ADCY3: variants seen among roughly 807,000 people sequenced by gnomAD.
ADCY3 encodes the protein adenylate cyclase 3.
Under a neutral mutation model 119.4 loss-of-function variants are expected in ADCY3, and 70 were observed. The ratio of observed to expected loss-of-function variants is 0.59; its 90% CI spans 0.48 to 0.72. The LOEUF (loss-of-function observed/expected upper bound fraction) is 0.72. Ranked by LOEUF, ADCY3 falls within the 30% of genes least tolerant of loss-of-function variation. The pLI is 0.00. For synonymous variants in ADCY3, 672 were observed against 621.4 expected (o/e 1.08, Z -1.21); for missense variants, 1,238 against 1,541.6 (o/e 0.80, Z 3.30).
chr2:24,826,601 T>C (rs6710696), intron 15 of ADCY3: 2,065 of 154,518 alleles, frequency 0.013, 20 homozygotes, highest in Non-Finnish European at 0.019. Context: ...ATACCAGTTA[T>C]GTATCCATTT....
chr2:24,841,026 C>T lies in ADCY3; in HGVS notation c.1196+233G>A, dbSNP rs1670934962. ...GTGGACTAAGGCTGGAAAAGTGTGC[C>T]CCACAGGCTGGGGGAGCCTCGCAGG... is the stretch of plus-strand genomic sequence containing the variant. On this transcript the variant is annotated intron_variant, in intron 6 of 21. Coordinates refer to ENST00000679454, the MANE Select transcript of ADCY3 (RefSeq NM_004036.5). This position sits in a 1 kb window ranked among gnomAD's most constrained non-coding sequence, Gnocchi z 5.8. 6.6e-6 allele frequency among the ~76,000 whole-genome samples: 1 copy of T among 152,210 alleles called. No homozygotes were observed. The highest frequency in any genetic ancestry group is 2.1e-4 in the South Asian group (1 of 4,834).
intron 3 of ADCY3, among the ~76,000 whole-genome samples, chr2:24,843,382 A>G (rs1671274195): frequency 1.3e-5 from 2 of 152,156 alleles, no homozygotes; most frequent in Admixed American, 6.6e-5. Context: ...ACAGGCATGC[A>G]TCACCACACC....
At chr2:24,887,195 G>A (rs1008942156) in intron 2 of ADCY3, among the ~76,000 whole-genome samples, 7 of 152,126 alleles carry the variant, frequency 4.6e-5, no homozygotes, top group Non-Finnish European at 8.8e-5. Flanking sequence ...CGAGCGAAAG[G>A]GGAAGAGCCC....
chr2:24,897,784 G>A (rs1678450464), intron 2 of ADCY3, among the ~76,000 whole-genome samples: 4 of 152,124 alleles, frequency 2.6e-5, no homozygotes, highest in African/African-American at 7.2e-5. Flanking sequence ...CAGGCCCTCC[G>A]TCTATGCTGG....
intron 2 of ADCY3, among the ~76,000 whole-genome samples, chr2:24,879,416 G>A (rs2148863567): frequency 7.3e-6 from 1 of 136,218 alleles, no homozygotes; most frequent in African/African-American, 2.9e-5. Flanking sequence ...TTGCGCCACT[G>A]CACTGCAGCC....
intron 3 of ADCY3, among the ~76,000 whole-genome samples, chr2:24,865,128 G>A (rs1674120746): frequency 6.6e-6 from 1 of 152,124 alleles, no homozygotes; most frequent in Non-Finnish European, 1.5e-5. Context: ...GAAGGTTGTG[G>A]CAATGCAATA....
At chr2:24,824,278 C>G (rs2148388332) in intron 17 of ADCY3, 100 bp downstream of exon 17, 1 of 1,473,454 alleles carries the variant, frequency 6.8e-7, no homozygotes, top group East Asian at 2.3e-5. Flanking sequence ...CCCCAGTCCC[C>G]TGTCCCTGAG....
chr2:24,877,298 C>T (rs2384057), intron 2 of ADCY3, among the ~76,000 whole-genome samples: 4 of 152,096 alleles, frequency 2.6e-5, no homozygotes, highest in Middle Eastern at 3.4e-3. Flanking sequence ...ACCCCTCCCC[C>T]CTTCAGCCTC....
Position 24,819,991 on chromosome 2 carries a change from C to A in ADCY3, c.3376G>T (p.Ala1126Ser), listed in dbSNP as rs775801797. 3.1e-6 allele frequency: 5 copies of A among 1,613,282 alleles called. No homozygotes were observed. The African/African-American group carries it at 6.7e-5, about 22-fold the overall frequency. The part of the protein sequence containing the change: ...TFFLKGRDKL[A>S]TFPNGPSVTL... Reference sequence around the variant, plus strand: ...ACAGAGGGGCCATTGGGGAAGGTGGCTAGCTTATCCCGCCCCTTCAAGAAG... The same window carrying A: ...ACAGAGGGGCCATTGGGGAAGGTGGATAGCTTATCCCGCCCCTTCAAGAAG... The change falls in exon 22 of 22, where the codon GCC (alanine) becomes TCC (serine). Residue 1126 changes from alanine (A) to serine (S), a missense_variant. Transcript: ENST00000679454.
intron 3 of ADCY3, among the ~76,000 whole-genome samples, chr2:24,858,341 T>G (rs1572907518): frequency 1.3e-5 from 2 of 152,160 alleles, no homozygotes; most frequent in African/African-American, 4.8e-5. Context: ...TTATCCAGAA[T>G]GTACAAATGT....
At chr2:24,907,579 A>G (rs2149031556) in intron 2 of ADCY3, among the ~76,000 whole-genome samples, 1 of 152,348 alleles carries the variant, frequency 6.6e-6, no homozygotes, top group Admixed American at 6.5e-5. Context: ...AAACCTGCTC[A>G]GAAGAAGGAA....
chr2:24,855,498 G>A (rs975806123), intron 3 of ADCY3, among the ~76,000 whole-genome samples: 7 of 152,172 alleles, frequency 4.6e-5, no homozygotes, highest in African/African-American at 1.7e-4. Flanking sequence ...TGGGGGCCGA[G>A]GCCTGGGTGC....
Position 24,919,067 on chromosome 2 carries a change from G to A in ADCY3, c.-80C>T, listed in dbSNP as rs990300808. ...GCTCTGGACTGGGCCTCCTCTCAGG[G>A]CTCTCTGAGACCGGGGGAGGGCTGA... On this transcript the variant is annotated 5_prime_UTR_variant, in exon 2 of 22. Transcript: ENST00000679454. This position sits in a 1 kb window ranked among gnomAD's most constrained non-coding sequence, Gnocchi z 5.5. 2.4e-5 allele frequency: 34 copies of A among 1,405,938 alleles called. No individual in the cohort carries two copies. Among genetic ancestry groups the A allele is most frequent in the Middle Eastern group, 1.8e-4 (1 of 5,540 alleles). 87.1% of individuals were successfully genotyped at this position (1,405,938 alleles called of 1,614,324 possible). A position where few individuals can be genotyped will look rare whatever the true frequency, so the allele number is the denominator to read the frequency against.
At chr2:24,823,541 G>C (rs887895902) in intron 17 of ADCY3, among the ~76,000 whole-genome samples, 186 bp from the exon 18 acceptor site, 1 of 149,650 alleles carries the variant, frequency 6.7e-6, no homozygotes, top group Non-Finnish European at 1.5e-5. Context: ...TCCCAGGCTG[G>C]AGTGCAGTGG....
intron 3 of ADCY3, among the ~76,000 whole-genome samples, chr2:24,858,400 T>C (rs1329759206): frequency 6.6e-6 from 1 of 152,172 alleles, no homozygotes; most frequent in African/African-American, 2.4e-5. Context: ...ACAAAACAGA[T>C]ACCCACAGGC....
Position 24,834,444 on chromosome 2 carries a change from C to T in ADCY3, c.1967+41G>A. 6.7e-7 allele frequency: 1 copy of T among 1,485,952 alleles called. No homozygotes were observed. Among genetic ancestry groups the T allele is most frequent in the Non-Finnish European group, 9.1e-7 (1 of 1,100,650 alleles). The allele number at this position is 1,485,952 out of a possible 1,614,324, so 92.0% of individuals were successfully genotyped here. ...CCCCGCCCCCCGCCCGGCACCACCGCAGCCGAGGAAACTCGTGGCCCTCCC... is the reference window on the plus strand; with the variant it reads ...CCCCGCCCCCCGCCCGGCACCACCGTAGCCGAGGAAACTCGTGGCCCTCCC... On this transcript the variant is annotated intron_variant, in intron 11 of 21. Coordinates refer to ENST00000679454, the MANE Select transcript of ADCY3 (RefSeq NM_004036.5). This position sits in a 1 kb window ranked among gnomAD's most constrained non-coding sequence, Gnocchi z 4.2.
At chr2:24,915,116 A>C (rs1664291088) in intron 2 of ADCY3, among the ~76,000 whole-genome samples, 1 of 152,212 alleles carries the variant, frequency 6.6e-6, no homozygotes, top group Non-Finnish European at 1.5e-5. Context: ...TGACACTGGC[A>C]ATGCTTCTTC....
intron 11 of ADCY3, among the ~76,000 whole-genome samples, chr2:24,833,563 T>C (rs1306925851): frequency 6.6e-6 from 1 of 152,232 alleles, no homozygotes; most frequent in African/African-American, 2.4e-5. Context: ...TACTCTCGCA[T>C]GGATGCATAT....
intron 2 of ADCY3, among the ~76,000 whole-genome samples, chr2:24,888,159 G>T (rs1387489461): frequency 6.6e-6 from 1 of 152,124 alleles, no homozygotes; most frequent in African/African-American, 2.4e-5. Context: ...AAACACATTC[G>T]GAACATCAAA....
Sources: allele counts gnomAD v4.1 joint callset (sites outside exome capture counted in the v4.1 genomes callset), GRCh38; gene constraint gnomAD v4.1.1; non-coding constraint Gnocchi (gnomAD v3.1); transcripts MANE v1.5; gene names NCBI Gene and HGNC (gene_info 2026-07-23, HGNC 2026-07-21).